The following P2RX4 variants were observed in gnomAD, a reference collection of about 807,000 sequenced individuals.
P2RX4 encodes the protein P2X purinoceptor 4.
In P2RX4, 37 loss-of-function variants were observed where a neutral mutation model predicts 48.0. The observed-to-expected ratio is 0.77, with a 90% CI of 0.59 to 1.01. P2RX4 has a LOEUF of 1.01. Among genes scored for constraint, P2RX4 ranks in the 50% least tolerant of loss-of-function variants. P2RX4 has a pLI of 0.00. For synonymous variants in P2RX4, 200 were observed against 199.7 expected (o/e 1.00, Z -0.01); for missense variants, 501 against 521.4 (o/e 0.96, Z 0.38).
chr12:121,215,103 C>A (rs1009221049), intron 1 of P2RX4: 1 of 152,132 alleles, frequency 6.6e-6, no homozygotes, highest in Non-Finnish European at 1.5e-5. Context: ...CTATAAATAA[C>A]AACACTGATA....
rs200553138 is a variant in P2RX4 at position 121,217,193 on chromosome 12, C to A, written c.194C>A (p.Thr65Lys). The A allele has an allele frequency of 9.4e-5, 152 of 1,614,052 alleles. No individual in the cohort carries two copies. Among genetic ancestry groups the A allele is most frequent in the Non-Finnish European group, 5.2e-5 (61 of 1,180,002 alleles). The change falls in exon 2 of 12, where the codon ACG becomes AAG. Residue 65 changes from threonine to lysine, a missense_variant. By Grantham distance (78) the Thr-to-Lys change is moderately conservative. This residue lies in a region of P2RX4 where 295 missense variants were observed against 275.3 expected (regional missense o/e 1.07). Coordinates refer to ENST00000337233, the MANE Select transcript of P2RX4 (RefSeq NM_002560.3). ...QETDSVVSSV[T>K]TKVKGVAVTN... Reference sequence around the variant, plus strand: ...ACTGACTCCGTGGTCAGCTCCGTTACGACCAAGGTCAAGGGCGTGGCTGTG... The same window carrying A: ...ACTGACTCCGTGGTCAGCTCCGTTAAGACCAAGGTCAAGGGCGTGGCTGTG...
At chr12:121,227,288 C>A (rs1887036013) in intron 5 of P2RX4, among the ~76,000 whole-genome samples, 1 of 152,140 alleles carries the variant, frequency 6.6e-6, no homozygotes, top group Non-Finnish European at 1.5e-5. Context: ...GAACATCCCC[C>A]ACAGAAGGGT....
intron 1 of P2RX4, chr12:121,214,593 A>G (rs1454710226): frequency 1.3e-5 from 2 of 152,194 alleles, no homozygotes; most frequent in African/African-American, 4.8e-5. Context: ...TGATGAGTAC[A>G]TCAGTCTTCC....
chr12:121,226,444 G>A (rs1886980601), intron 5 of P2RX4, among the ~76,000 whole-genome samples: 1 of 151,926 alleles, frequency 6.6e-6, no homozygotes, highest in Admixed American at 6.6e-5. Context: ...TCAGGAGGCT[G>A]AGGCACGAGA....
At chr12:121,216,220 A>G (rs1419715501) in intron 1 of P2RX4, 1 of 152,284 alleles carries the variant, frequency 6.6e-6, no homozygotes, top group Non-Finnish European at 1.5e-5. Context: ...GGGTTAGACA[A>G]GCTTAGAGTA....
chr12:121,227,684 G>A (rs1887060385), intron 5 of P2RX4, among the ~76,000 whole-genome samples: 1 of 152,200 alleles, frequency 6.6e-6, no homozygotes, highest in Non-Finnish European at 1.5e-5. Context: ...TCGGCTCAGT[G>A]TCTTCTCTTG....
In P2RX4 at chr12:121,221,974, T is replaced by A; in HGVS notation, c.344T>A (p.Leu115Gln). 6.2e-7 allele frequency: 1 copy of A among 1,614,198 alleles called. No homozygotes were observed. Among genetic ancestry groups the A allele is most frequent in the Non-Finnish European group, 8.5e-7 (1 of 1,179,992 alleles). Residue 115 changes from leucine (L) to glutamine (Q), a missense_variant, in exon 3 of 12, where the codon CTG (leucine) becomes CAG (glutamine). By Grantham distance (113) the Leu-to-Gln change is moderately radical. Coordinates refer to ENST00000337233, the MANE Select transcript of P2RX4 (RefSeq NM_002560.3). ...CTCACCATGAACCAGACACAGGGCC[T>A]GTGCCCCGAGGTAGGAGGCCCCCGG... ...VILTMNQTQGLCPEIPDATTV... is the reference protein window; with the variant it reads ...VILTMNQTQGQCPEIPDATTV...
At chr12:121,222,289 G>A in intron 4 of P2RX4, 123 bp downstream of exon 4, 2 of 733,474 alleles carry the variant, frequency 2.7e-6, no homozygotes, top group South Asian at 1.5e-5. Flanking sequence ...AGGTGCCGAG[G>A]CTGGGGTCCT....
At chr12:121,222,010 AG>A in intron 3 of P2RX4, 26 bp downstream of exon 3, 1 of 1,608,072 alleles carries the variant, frequency 6.2e-7, no homozygotes, top group Non-Finnish European at 8.5e-7. Flanking sequence ...GAAGAGCCCC[AG>A]GCCCCACACC....
rs1294290633 is a variant in P2RX4 at position 121,224,786 on chromosome 12, C to T, written c.524+1743C>T. The stretch of plus-strand genomic sequence containing the variant: ...GGGCCTTTCTCACCGAGAGCTCAGA[C>T]CGAGGTCTCCATGAGCCCCGGGGAG... On this transcript the variant is annotated intron_variant, in intron 5 of 11. Coordinates refer to ENST00000337233, the MANE Select transcript of P2RX4 (RefSeq NM_002560.3). Among the ~76,000 whole-genome samples the T allele has an allele frequency of 2.0e-5, 3 of 151,852 alleles. No individual in the cohort carries two copies. The East Asian group carries it at 5.8e-4, about 29-fold the overall frequency.
chr12:121,225,433 TG>T (rs912336737), intron 5 of P2RX4, among the ~76,000 whole-genome samples: 49 of 147,548 alleles, frequency 3.3e-4, no homozygotes, highest in African/African-American at 1.2e-3. Flanking sequence ...TTATTTGAGA[TG>T]GAGTCTCGCT....
intron 8 of P2RX4, among the ~76,000 whole-genome samples, chr12:121,230,974 ATATATATATT>A (rs1566011597): frequency 2.7e-4 from 35 of 128,786 alleles, no homozygotes; most frequent in East Asian, 1.1e-3. Flanking sequence ...TAGCCATTAT[ATATATATATT>A]TTTTTTTTTT....
At position 121,228,802 on chromosome 12, in the gene P2RX4, C is replaced by A; in HGVS notation, c.683C>A (p.Pro228His). ...GATGCTAAAACAGATCCCTTCTGCC[C>A]CATATTCCGTCTTGGCAAAATAGTG... ...IYDAKTDPFC[P>H]IFRLGKIVEN... is the part of the protein sequence containing the mutation. The change falls in exon 7 of 12, where the codon CCC becomes CAC. Residue 228 changes from proline to histidine, a missense_variant. This residue lies in a region of P2RX4 where 197 missense variants were observed against 219.5 expected (regional missense o/e 0.90). Transcript: ENST00000337233. 1 of 1,614,162 alleles carries A rather than the reference C, an allele frequency of 6.2e-7. No homozygotes were observed. The highest frequency in any genetic ancestry group is 1.3e-5 in the African/African-American group (1 of 75,030).
intron 1 of P2RX4, chr12:121,215,040 G>T (rs1289308225): frequency 6.6e-6 from 1 of 152,086 alleles, no homozygotes; most frequent in Admixed American, 6.6e-5. Context: ...GTGAATTTCT[G>T]AAGTCTCAGC....
intron 8 of P2RX4, among the ~76,000 whole-genome samples, chr12:121,230,936 G>GTA (rs10700307): frequency 0.13 from 18,425 of 146,168 alleles, 1,334 homozygotes; most frequent in Non-Finnish European, 0.16. Flanking sequence ...GTATATATGT[G>GTA]TATATATATA....
rs529980058 is a variant in P2RX4 at position 121,222,141 on chromosome 12, C to T, written c.402C>T (p.Ala134=). The change falls in exon 4 of 12, where the codon GCC becomes GCT. Residue 134 remains alanine, a synonymous_variant. Coordinates refer to ENST00000337233, the MANE Select transcript of P2RX4 (RefSeq NM_002560.3). ...GTAAATCAGATGCCAGCTGTACTGC[C>T]GGCTCTGCCGGCACCCACAGCAACG... is the stretch of plus-strand genomic sequence containing the variant. ...TVCKSDASCT[A]GSAGTHSNGV... 43 of 1,585,216 alleles carry T rather than the reference C, an allele frequency of 2.7e-5. No individual in the cohort carries two copies. The highest frequency in any genetic ancestry group is 1.8e-4 in the Admixed American group (11 of 59,482).
At chr12:121,223,158 C>T in intron 5 of P2RX4, 115 bp downstream of exon 5, 1 of 687,010 alleles carries the variant, frequency 1.5e-6, no homozygotes, top group Non-Finnish European at 2.6e-6. Context: ...ACCACAACCT[C>T]CACCTCCCGT....
chr12:121,231,886 T>C (rs1238402460), intron 8 of P2RX4, among the ~76,000 whole-genome samples: 1 of 151,386 alleles, frequency 6.6e-6, no homozygotes, highest in Admixed American at 6.6e-5. Flanking sequence ...GCGCCTGTAG[T>C]CCCAGCTACT....
At chr12:121,231,878 G>A (rs551086822) in intron 8 of P2RX4, among the ~76,000 whole-genome samples, 24 of 151,958 alleles carry the variant, frequency 1.6e-4, no homozygotes, top group African/African-American at 2.9e-4. Flanking sequence ...GGTGGTGTGC[G>A]CCTGTAGTCC....
Sources: allele counts gnomAD v4.1 joint callset (sites outside exome capture counted in the v4.1 genomes callset), GRCh38; gene constraint gnomAD v4.1.1; regional missense constraint gnomAD v4.1.1; transcripts MANE v1.5; gene names NCBI Gene and HGNC (gene_info 2026-07-23, HGNC 2026-07-21).